Variants in PPP2R3A observed in about 807,000 individuals in gnomAD.
PPP2R3A encodes serine/threonine-protein phosphatase 2A regulatory subunit B'' subunit alpha.
Under a neutral mutation model 106.9 loss-of-function variants are expected in PPP2R3A, and 80 were observed. That is an observed-to-expected ratio of 0.75 (90% CI 0.62 to 0.90). The LOEUF is 0.90. PPP2R3A is among the 40% of genes least tolerant of loss of function. PPP2R3A has a pLI of 0.00. For missense variants in PPP2R3A, 1,386 were observed against 1,350.4 expected, an observed-to-expected ratio of 1.03 and a Z score of -0.41; for synonymous variants, 483 against 468.3, an observed-to-expected ratio of 1.03 and a Z score of -0.41.
intron 5 of PPP2R3A, among the ~76,000 whole-genome samples, chr3:136,057,658 T>G (rs915470695): frequency 6.6e-6 from 1 of 152,130 alleles, no homozygotes; most frequent in African/African-American, 2.4e-5. Flanking sequence ...GAATAGACAT[T>G]GCATAAAAGG....
chr3:136,034,868 G>A (rs978845453), intron 3 of PPP2R3A, among the ~76,000 whole-genome samples: 1 of 152,062 alleles, frequency 6.6e-6, no homozygotes, highest in Non-Finnish European at 1.5e-5. Context: ...TCATTTCTTA[G>A]GTCTATTAGT....
chr3:136,101,847 G>T (rs1937368248), intron 10 of PPP2R3A, among the ~76,000 whole-genome samples, 160 bp from the exon 11 acceptor site: 1 of 152,174 alleles, frequency 6.6e-6, no homozygotes, highest in African/African-American at 2.4e-5. Context: ...AAAATAAAGG[G>T]AAGAAGGGGT....
At chr3:136,043,083 G>A (rs959898615) in intron 4 of PPP2R3A, among the ~76,000 whole-genome samples, 7 of 151,884 alleles carry the variant, frequency 4.6e-5, no homozygotes, top group South Asian at 2.1e-4. Context: ...AAACATTTTG[G>A]AAAATACATA....
intron 13 of PPP2R3A, chr3:136,106,947 A>AC (rs1277939194): frequency 3.4e-5 from 5 of 145,972 alleles, no homozygotes; most frequent in African/African-American, 1.3e-4. Context: ...AAAAAAAAAA[A>AC]AAAAAAACTA....
intron 13 of PPP2R3A, among the ~76,000 whole-genome samples, chr3:136,139,001 C>A (rs1938742453): frequency 6.6e-6 from 1 of 152,052 alleles, no homozygotes; most frequent in South Asian, 2.1e-4. Flanking sequence ...GCATGAGTCA[C>A]CATGCCAGGC....
At chr3:136,003,675 G>GA (rs544073971) in intron 2 of PPP2R3A, among the ~76,000 whole-genome samples, 182 bp downstream of exon 2, 54 of 144,136 alleles carry the variant, frequency 3.7e-4, no homozygotes, top group African/African-American at 8.1e-4. Context: ...GATGATAGAG[G>GA]AAAAAAAAAA....
At chr3:135,997,855 G>C (rs1933461916) in intron 1 of PPP2R3A, among the ~76,000 whole-genome samples, 1 of 152,044 alleles carries the variant, frequency 6.6e-6, no homozygotes, top group South Asian at 2.1e-4. Context: ...ATCACTTCTT[G>C]CATGGATTAT....
At chr3:136,018,776 G>GT (rs1934365103) in intron 2 of PPP2R3A, among the ~76,000 whole-genome samples, 1 of 152,172 alleles carries the variant, frequency 6.6e-6, no homozygotes, top group African/African-American at 2.4e-5. Flanking sequence ...TAGGGTCATA[G>GT]TGGAGAGGCC....
At chr3:136,023,022 T>C (rs781276698) in intron 2 of PPP2R3A, 27 of 1,604,650 alleles carry the variant, frequency 1.7e-5, no homozygotes, top group Non-Finnish European at 2.3e-5. Flanking sequence ...TCTGATTATC[T>C]TCAGAAGTGT....
rs771726993 is a variant in PPP2R3A, at chr3:136,027,084, G to A, written c.2248G>A (p.Gly750Arg). The change falls in exon 3 of 14, where the codon GGG becomes AGG. Residue 750 changes from glycine to arginine, a missense_variant. Physicochemically the swap from Gly to Arg is moderately radical, Grantham distance 125. Coordinates refer to ENST00000264977, the MANE Select transcript of PPP2R3A (RefSeq NM_002718.5). ...EEQKADIYEMGKIAKVCGCPL... is the reference protein window; with the variant it reads ...EEQKADIYEMRKIAKVCGCPL... ...ACAGAAAGCAGACATTTATGAAATG[G>A]GGAAAATTGCAAAGGTAATGTAACT... 5.0e-6 allele frequency: 8 copies of A among 1,612,360 alleles called. No individual in the cohort carries two copies. The Admixed American group carries it at 5.0e-5, about 10-fold the overall frequency.
chr3:136,123,657 A>G (rs1938079893), intron 13 of PPP2R3A, among the ~76,000 whole-genome samples: 1 of 152,224 alleles, frequency 6.6e-6, no homozygotes, highest in Admixed American at 6.5e-5. Context: ...GGAAACAAAC[A>G]TAAATATTCC....
At chr3:135,995,447 ATTT>A (rs60359404) in intron 1 of PPP2R3A, among the ~76,000 whole-genome samples, 1 of 87,306 alleles carries the variant, frequency 1.1e-5, no homozygotes, top group African/African-American at 4.6e-5. Context: ...ACGTTGACAG[ATTT>A]TTTTTTTTTT....
At chr3:136,066,230 G>C (rs1437813810) in intron 5 of PPP2R3A, among the ~76,000 whole-genome samples, 1 of 152,116 alleles carries the variant, frequency 6.6e-6, no homozygotes, top group Non-Finnish European at 1.5e-5. Flanking sequence ...TAGTTCAAAT[G>C]CTCCATAAAT....
rs368939028 is a variant in PPP2R3A, at chr3:136,032,214, C to G, written c.2262+5116C>G. Among the ~76,000 whole-genome samples the G allele has an allele frequency of 3.9e-5, 6 of 152,070 alleles. No homozygotes were observed. The East Asian group carries it at 9.6e-4, about 24-fold the overall frequency. On this transcript the variant is annotated intron_variant, in intron 3 of 13. Coordinates refer to ENST00000264977, the MANE Select transcript of PPP2R3A (RefSeq NM_002718.5). ...CTTTCAGCAGTGGTTTGTGGTTTTACTTGTAGAGGTCTTTCACCTCCTTGG... is the reference window on the plus strand; with the variant it reads ...CTTTCAGCAGTGGTTTGTGGTTTTAGTTGTAGAGGTCTTTCACCTCCTTGG...
chr3:136,117,638 A>G (rs1188428387), intron 13 of PPP2R3A, among the ~76,000 whole-genome samples: 1 of 152,224 alleles, frequency 6.6e-6, no homozygotes, highest in Non-Finnish European at 1.5e-5. Context: ...GAAGAAATGG[A>G]TAAATTCCTG....
rs202019860 is a variant in PPP2R3A at position 136,145,135 on chromosome 3, G to A, written c.3422G>A (p.Cys1141Tyr). The A allele has an allele frequency of 5.0e-6, 8 of 1,613,504 alleles. No individual in the cohort carries two copies. Among genetic ancestry groups the A allele is most frequent in the Admixed American group, 1.7e-5 (1 of 59,938 alleles). ...TTAAGTGCAAGCCTTCCAGAGAAAT[G>A]TGGAAAGCTTCAATCAGTGGATGAA... ...KILSASLPEK[C>Y]GKLQSVDEE The change falls in exon 14 of 14, where the codon TGT becomes TAT. Residue 1141 changes from cysteine (C) to tyrosine (Y), a missense_variant. Transcript: ENST00000264977.
At chr3:136,080,989 T>C (rs1936761912) in intron 7 of PPP2R3A, among the ~76,000 whole-genome samples, 1 of 151,966 alleles carries the variant, frequency 6.6e-6, no homozygotes, top group African/African-American at 2.4e-5. Flanking sequence ...CTCATGTGTT[T>C]CTTTTTTCTT....
chr3:136,074,363 C>T (rs1300341859), intron 6 of PPP2R3A, among the ~76,000 whole-genome samples: 2 of 152,058 alleles, frequency 1.3e-5, no homozygotes, highest in Non-Finnish European at 2.9e-5. Flanking sequence ...GACATCATTA[C>T]CCAAAAAAAG....
In PPP2R3A at chr3:136,124,263, G is replaced by T. The variant is rs569054951; in HGVS notation, c.3329+17941G>T. The stretch of plus-strand genomic sequence containing the variant: ...TGAGCACTCTGGGAGGACAAGTTGG[G>T]AAGATTGCGTGGGGCCAGGAGTTCA... On this transcript the variant is annotated intron_variant, in intron 13 of 13. Transcript: ENST00000264977. Among the ~76,000 whole-genome samples, 18 of 152,280 alleles carry T rather than the reference G, an allele frequency of 1.2e-4. No homozygotes were observed. The East Asian group carries it at 3.3e-3, about 28-fold the overall frequency.
Sources: allele counts gnomAD v4.1 joint callset (sites outside exome capture counted in the v4.1 genomes callset), GRCh38; gene constraint gnomAD v4.1.1; transcripts MANE v1.5; gene names NCBI Gene and HGNC (gene_info 2026-07-23, HGNC 2026-07-21).